The following ZFYVE28 variants were observed in gnomAD, a reference collection of about 807,000 sequenced individuals.
ZFYVE28 encodes the protein lateral signaling target protein 2 homolog.
ZFYVE28 carries 40 observed loss-of-function variants against 82.1 expected under a neutral mutation model. The ratio of observed to expected loss-of-function variants is 0.49; its 90% CI spans 0.38 to 0.63. The LOEUF (loss-of-function observed/expected upper bound fraction) is 0.63, where lower values mean the gene tolerates loss of function less well. ZFYVE28 is among the 30% of genes least tolerant of loss of function. The pLI, the probability that ZFYVE28 is intolerant of heterozygous loss-of-function variation, is 0.00. For synonymous variants in ZFYVE28, 612 were observed against 546.1 expected (o/e 1.12, Z -1.68); for missense variants, 1,321 against 1,242.1 (o/e 1.06, Z -0.96).
chr4:2,406,767 CA>C (rs1731969269), intron 1 of ZFYVE28: 1 of 152,296 alleles, frequency 6.6e-6, no homozygotes, highest in Non-Finnish European at 1.5e-5. Flanking sequence ...ATTATTTCTA[CA>C]GCTTTAGTTT....
At chr4:2,311,095 C>T (rs1717409670) in intron 7 of ZFYVE28, among the ~76,000 whole-genome samples, 1 of 152,008 alleles carries the variant, frequency 6.6e-6, no homozygotes, top group African/African-American at 2.4e-5. Flanking sequence ...TTATAATATC[C>T]TCATATCATT....
chr4:2,290,538 G>C (rs1375608464), intron 8 of ZFYVE28, among the ~76,000 whole-genome samples: 3 of 152,228 alleles, frequency 2.0e-5, no homozygotes, highest in South Asian at 4.1e-4. Context: ...GCCCCCAGGA[G>C]ATGTCTCCAA....
intron 8 of ZFYVE28, chr4:2,285,637 C>T (rs1410873351): frequency 2.6e-5 from 4 of 152,338 alleles, no homozygotes; most frequent in Admixed American, 6.5e-5. Flanking sequence ...CTGGGTTGAG[C>T]ACAGGCTGGG....
chr4:2,304,452 TG>T lies in ZFYVE28; in HGVS notation c.1887del (p.Thr630LeufsTer120). On this transcript the variant is annotated frameshift_variant, in exon 8 of 13. Transcript: ENST00000290974. LOFTEE classifies it high-confidence loss of function. ...DASNGREPKA[P>X]TSDKCLPHTS... ...GTGTGAGGCAGGCACTTGTCGGAAG[TG>T]GGGGCTTTGGGCTCCCGCCCGTTGG... is the stretch of plus-strand genomic sequence containing the variant. 2 of 1,613,602 alleles carry T rather than the reference TG, an allele frequency of 1.2e-6. No individual in the cohort carries two copies. The highest frequency in any genetic ancestry group is 1.7e-6 in the Non-Finnish European group (2 of 1,179,954).
chr4:2,390,672 AAC>A (rs1253510199), intron 1 of ZFYVE28, among the ~76,000 whole-genome samples: 3 of 152,242 alleles, frequency 2.0e-5, no homozygotes, highest in Non-Finnish European at 2.9e-5. Context: ...CCAAAATATC[AAC>A]ACAGTTTTTC....
chr4:2,288,744 A>G (rs1408426427), intron 8 of ZFYVE28, among the ~76,000 whole-genome samples: 1 of 152,224 alleles, frequency 6.6e-6, no homozygotes, highest in Non-Finnish European at 1.5e-5. Context: ...TTGGGAGGCC[A>G]AGGCAGGAGG....
chr4:2,312,268 A>G (rs1449150879), intron 7 of ZFYVE28, among the ~76,000 whole-genome samples: 2 of 152,256 alleles, frequency 1.3e-5, no homozygotes, highest in African/African-American at 4.8e-5. Context: ...AATTTTGGCC[A>G]GGCACAGTGG....
At chr4:2,306,470 G>A (rs1037290108) in intron 7 of ZFYVE28, among the ~76,000 whole-genome samples, 4 of 152,220 alleles carry the variant, frequency 2.6e-5, no homozygotes, top group Non-Finnish European at 5.9e-5. Context: ...GACTCCATAG[G>A]CCGAGGCACG....
chr4:2,355,255 T>A (rs1578224554), intron 1 of ZFYVE28, among the ~76,000 whole-genome samples: 1 of 41,888 alleles, frequency 2.4e-5, no homozygotes, highest in African/African-American at 8.8e-5. Flanking sequence ...TATATATATA[T>A]ATATATATAT....
chr4:2,374,092 G>A (rs950569239), intron 1 of ZFYVE28, among the ~76,000 whole-genome samples: 7 of 152,158 alleles, frequency 4.6e-5, no homozygotes, highest in African/African-American at 1.7e-4. Context: ...AACAGCAAAA[G>A]GTAATGTTTT....
At chr4:2,400,702 A>C (rs911093276) in intron 1 of ZFYVE28, among the ~76,000 whole-genome samples, 1 of 152,206 alleles carries the variant, frequency 6.6e-6, no homozygotes, top group Non-Finnish European at 1.5e-5. Flanking sequence ...GGAAGCATCC[A>C]GCACAGGAGA....
chr4:2,315,269 T>C (rs1718037331), intron 7 of ZFYVE28, among the ~76,000 whole-genome samples: 1 of 152,204 alleles, frequency 6.6e-6, no homozygotes, highest in African/African-American at 2.4e-5. Context: ...TCAGCTATTT[T>C]CCTTCAGCAG....
At chr4:2,272,065 T>G (rs1351431956) in intron 10 of ZFYVE28, among the ~76,000 whole-genome samples, 4 of 152,206 alleles carry the variant, frequency 2.6e-5, no homozygotes, top group African/African-American at 9.6e-5. Context: ...GGCACGTGTG[T>G]GGCCAGGACT....
intron 6 of ZFYVE28, among the ~76,000 whole-genome samples, chr4:2,321,241 T>A (rs1719029183): frequency 6.6e-6 from 1 of 152,270 alleles, no homozygotes; most frequent in African/African-American, 2.4e-5. Flanking sequence ...GGCCTGTCTC[T>A]TTCAGCAGAC....
chr4:2,364,904 G>A (rs1341095881), intron 1 of ZFYVE28: 2 of 985,486 alleles, frequency 2.0e-6, no homozygotes, highest in Admixed American at 6.1e-5. Context: ...GAGGCGGCGC[G>A]GAGGGACAGT....
chr4:2,301,903 G>A (rs1350609652), intron 8 of ZFYVE28, among the ~76,000 whole-genome samples: 1 of 152,196 alleles, frequency 6.6e-6, no homozygotes, highest in Non-Finnish European at 1.5e-5. Flanking sequence ...AAGAGGAGAG[G>A]CTGTTCGCGC....
At chr4:2,287,702 C>T (rs1712971694) in intron 8 of ZFYVE28, 1 of 152,184 alleles carries the variant, frequency 6.6e-6, no homozygotes, top group Non-Finnish European at 1.5e-5. Flanking sequence ...CCCTTGGGAT[C>T]TCTTTAGGTC....
intron 1 of ZFYVE28, among the ~76,000 whole-genome samples, chr4:2,355,207 T>C (rs1283100408): frequency 0.011 from 4 of 368 alleles, no homozygotes; most frequent in African/African-American, 0.039. Context: ...AAAATATATA[T>C]ATATATATAT....
At chr4:2,346,199 G>T (rs61789444) in intron 2 of ZFYVE28, among the ~76,000 whole-genome samples, 62 of 150,734 alleles carry the variant, frequency 4.1e-4, no homozygotes, top group African/African-American at 1.4e-3. Flanking sequence ...AAAATTAGCC[G>T]GGCGTGGTGG....
Sources: allele counts gnomAD v4.1 joint callset (sites outside exome capture counted in the v4.1 genomes callset), GRCh38; gene constraint gnomAD v4.1.1; transcripts MANE v1.5; gene names NCBI Gene and HGNC (gene_info 2026-07-23, HGNC 2026-07-21).